Variants in ARB2A observed in about 807,000 individuals in gnomAD.
ARB2A encodes ARB2 cotranscriptional regulator A, also known as cotranscriptional regulator ARB2A.
At chr5:93,814,725 T>A in the ARB2A span, among the ~76,000 whole-genome samples, 1 of 152,240 alleles carries the variant, frequency 6.6e-6, no homozygotes, top group Non-Finnish European at 1.5e-5. Context: ...TCCCCAGTAC[T>A]TGTATGGAGT....
chr5:93,713,080 T>G, the ARB2A span, among the ~76,000 whole-genome samples: 29 of 152,208 alleles, frequency 1.9e-4, no homozygotes, highest in African/African-American at 7.0e-4. Context: ...GATTTAAATC[T>G]AAGAGCCAAA....
chr5:93,817,272 T>C, the ARB2A span, among the ~76,000 whole-genome samples: 2 of 152,014 alleles, frequency 1.3e-5, no homozygotes, highest in African/African-American at 2.4e-5. Flanking sequence ...TAGAAATAAA[T>C]TTAAGAGGAG....
chr5:93,971,781 T>C, the ARB2A span, among the ~76,000 whole-genome samples: 1 of 152,182 alleles, frequency 6.6e-6, no homozygotes, highest in African/African-American at 2.4e-5. Context: ...GATTCCTCAA[T>C]TTAAAATATA....
At chr5:93,705,094 A>C in the ARB2A span, among the ~76,000 whole-genome samples, 1 of 152,208 alleles carries the variant, frequency 6.6e-6, no homozygotes, top group Non-Finnish European at 1.5e-5. Context: ...TTAAAAGGAA[A>C]GTATCATTTT....
chr5:93,965,652 T>A, the ARB2A span, among the ~76,000 whole-genome samples: 1 of 152,042 alleles, frequency 6.6e-6, no homozygotes. Context: ...TAAGGAGTGT[T>A]TCTCCACCCC....
At chr5:93,821,683 T>C in the ARB2A span, among the ~76,000 whole-genome samples, 25 of 152,216 alleles carry the variant, frequency 1.6e-4, no homozygotes, top group East Asian at 4.8e-3. Context: ...ATGTTTATTA[T>C]TTCTTTAACA....
At chr5:93,709,391 T>C in the ARB2A span, among the ~76,000 whole-genome samples, 1 of 151,726 alleles carries the variant, frequency 6.6e-6, no homozygotes, top group Non-Finnish European at 1.5e-5. Flanking sequence ...TCCCAGCACT[T>C]TGGGAGGCTG....
chr5:94,011,414 T>C, the ARB2A span, among the ~76,000 whole-genome samples: 1 of 152,202 alleles, frequency 6.6e-6, no homozygotes, highest in African/African-American at 2.4e-5. Context: ...CCCACAAGAA[T>C]GTAATCTCTG....
At chr5:94,048,793 A>C in the ARB2A span, among the ~76,000 whole-genome samples, 1 of 152,124 alleles carries the variant, frequency 6.6e-6, no homozygotes, top group Admixed American at 6.5e-5. Context: ...ACAACAAACT[A>C]ATCTGCCCAT....
At chr5:93,693,745 A>C in the ARB2A span, among the ~76,000 whole-genome samples, 3 of 152,030 alleles carry the variant, frequency 2.0e-5, no homozygotes, top group Non-Finnish European at 2.9e-5. Context: ...ACAGAAAAGA[A>C]AACTTCAGGC....
At chr5:93,749,330 A>G in the ARB2A span, among the ~76,000 whole-genome samples, 1 of 152,172 alleles carries the variant, frequency 6.6e-6, no homozygotes, top group African/African-American at 2.4e-5. Flanking sequence ...TCACACAGAG[A>G]TCTGTGGACT....
At chr5:94,005,008 A>C in the ARB2A span, among the ~76,000 whole-genome samples, 1 of 111,910 alleles carries the variant, frequency 8.9e-6, no homozygotes, top group African/African-American at 3.7e-5. Flanking sequence ...CAAAAAAAAA[A>C]AAAAAAAAAA....
the ARB2A span, among the ~76,000 whole-genome samples, chr5:93,997,163 T>C: frequency 6.6e-6 from 1 of 152,068 alleles, no homozygotes; most frequent in Non-Finnish European, 1.5e-5. Flanking sequence ...GTTATCAATA[T>C]GCTATGATTT....
chr5:93,936,576 G>A, the ARB2A span, among the ~76,000 whole-genome samples: 1 of 152,118 alleles, frequency 6.6e-6, no homozygotes, highest in Non-Finnish European at 1.5e-5. Context: ...AATAATTAAT[G>A]TTATTTGGAA....
the ARB2A span, among the ~76,000 whole-genome samples, chr5:94,063,125 G>A: frequency 4.7e-3 from 643 of 136,540 alleles, 3 homozygotes; most frequent in African/African-American, 0.017. Flanking sequence ...CCCCACCCCC[G>A]CCTACCAGAG....
At chr5:93,859,453 G>A in the ARB2A span, among the ~76,000 whole-genome samples, 4 of 152,074 alleles carry the variant, frequency 2.6e-5, no homozygotes, top group Non-Finnish European at 5.9e-5. Flanking sequence ...TATCACCTAG[G>A]CTAGGTAAGG....
At chr5:94,038,056 A>G in the ARB2A span, among the ~76,000 whole-genome samples, 1 of 152,074 alleles carries the variant, frequency 6.6e-6, no homozygotes, top group Admixed American at 6.5e-5. Context: ...CAATTTATTA[A>G]TTCTTAAAGA....
the ARB2A span, among the ~76,000 whole-genome samples, chr5:93,813,884 T>C: frequency 2.6e-5 from 4 of 152,204 alleles, no homozygotes; most frequent in African/African-American, 7.2e-5. Context: ...AACTTAAGCC[T>C]AACTTAATCA....
chr5:93,819,271 T>C, the ARB2A span, among the ~76,000 whole-genome samples: 1 of 151,446 alleles, frequency 6.6e-6, no homozygotes, highest in African/African-American at 2.4e-5. Flanking sequence ...GTTGTTGTAA[T>C]ATACATTATT....
Sources: gnomAD v4.1 joint callset for allele counts (sites outside exome capture counted in the v4.1 genomes callset) on GRCh38, gnomAD v4.1.1 for gene constraint, MANE v1.5 for transcripts, NCBI Gene and HGNC (gene_info 2026-07-23, HGNC 2026-07-21) for gene names.